Variants in CACNB4 observed in about 807,000 individuals in gnomAD.
CACNB4 encodes the protein calcium voltage-gated channel auxiliary subunit beta 4.
Under a neutral mutation model 71.2 loss-of-function variants are expected in CACNB4, and 32 were observed. The ratio of observed to expected loss-of-function variants is 0.45; its 90% confidence interval spans 0.34 to 0.60. CACNB4 has a LOEUF of 0.60. Among genes scored for constraint, CACNB4 ranks in the 20% least tolerant of loss-of-function variants. The pLI is 0.01. For synonymous variants in CACNB4, 231 were observed against 236.9 expected (o/e 0.97, Z 0.23); for missense variants, 464 against 647.9 (o/e 0.72, Z 3.08).
chr2:152,071,046 G>A (rs971790693), intron 2 of CACNB4, among the ~76,000 whole-genome samples: 1 of 152,228 alleles, frequency 6.6e-6, no homozygotes, highest in African/African-American at 2.4e-5. Flanking sequence ...GATTACAGGC[G>A]TGAGCCACTG....
chr2:152,000,515 G>A, intron 2 of CACNB4, among the ~76,000 whole-genome samples: 1 of 152,176 alleles, frequency 6.6e-6, no homozygotes, highest in Non-Finnish European at 1.5e-5. Flanking sequence ...GTTCTCTGTT[G>A]TCATTACAAC....
intron 2 of CACNB4, among the ~76,000 whole-genome samples, chr2:152,074,879 T>C (rs564258375): frequency 2.0e-5 from 3 of 152,120 alleles, no homozygotes; most frequent in Admixed American, 6.5e-5. Context: ...AGCACCATCA[T>C]AACCACTAAT....
At chr2:151,919,477 T>C (rs749601829) in intron 2 of CACNB4, among the ~76,000 whole-genome samples, 18 of 152,186 alleles carry the variant, frequency 1.2e-4, no homozygotes, top group Non-Finnish European at 2.1e-4. Flanking sequence ...TCACCAGCCA[T>C]GCTGTCACCT....
chr2:152,032,914 A>G (rs1684364215), intron 2 of CACNB4, among the ~76,000 whole-genome samples: 1 of 152,188 alleles, frequency 6.6e-6, no homozygotes, highest in Non-Finnish European at 1.5e-5. Context: ...TGATTATGCC[A>G]CTGCACTCCA....
chr2:151,885,267 C>A (rs768371586), intron 2 of CACNB4, among the ~76,000 whole-genome samples: 21 of 152,240 alleles, frequency 1.4e-4, no homozygotes, highest in Non-Finnish European at 2.9e-4. Flanking sequence ...GTGCCTACTT[C>A]ACAGGATTAA....
chr2:151,878,550 T>TACAC lies in CACNB4; in HGVS notation c.391-1998_391-1995dup, dbSNP rs60040188. 4.5e-3 allele frequency among the ~76,000 whole-genome samples: 581 copies of TACAC among 129,956 alleles called. 5 individuals are homozygous for TACAC. Among genetic ancestry groups the TACAC allele is most frequent in the Middle Eastern group, 0.027 (7 of 258 alleles). The allele number at this position is 129,956 out of a possible 152,430, so 85.3% of individuals were successfully genotyped here. On this transcript the variant is annotated intron_variant, in intron 4 of 13. Coordinates refer to ENST00000539935, the MANE Select transcript of CACNB4 (RefSeq NM_000726.5). ...CAGGGTAACATAGCAAGACCCTGTC[T>TACAC]ACACACACACACACACACACACACA...
Position 151,836,116 on chromosome 2 carries a change from T to C in CACNB4, c.*3003A>G, listed in dbSNP as rs1185227167. 7 of 151,866 alleles carry C rather than the reference T, an allele frequency of 4.6e-5. No homozygotes were observed. Among genetic ancestry groups the C allele is most frequent in the African/African-American group, 1.7e-4 (7 of 41,438 alleles). The allele number at this position is 151,866 out of a possible 1,614,324, so 9.4% of individuals were successfully genotyped here. ...ATAATATTAGAGTGACATTATACCC[T>C]TGAGAATTAACATCAGGATTGACAA... is the stretch of plus-strand genomic sequence containing the variant. On this transcript the variant is annotated 3_prime_UTR_variant, in exon 14 of 14. Coordinates refer to ENST00000539935, the MANE Select transcript of CACNB4 (RefSeq NM_000726.5).
intron 2 of CACNB4, among the ~76,000 whole-genome samples, chr2:151,957,257 C>CGTGTATGTGTGTAT (rs3068823): frequency 7.6e-6 from 1 of 131,788 alleles, no homozygotes; most frequent in Non-Finnish European, 1.6e-5. Context: ...AGTGGCTGGG[C>CGTGTATGTGTGTAT]GTGTGTGTGT....
intron 3 of CACNB4, 96 bp from the exon 4 acceptor site, chr2:151,881,018 C>T: frequency 8.0e-7 from 1 of 1,243,908 alleles, no homozygotes; most frequent in Admixed American, 2.6e-5. Context: ...TGAGAAATAA[C>T]TTTCCAAAGA....
chr2:151,982,590 A>G (rs915287126), intron 2 of CACNB4, among the ~76,000 whole-genome samples: 18 of 145,894 alleles, frequency 1.2e-4, no homozygotes, highest in Admixed American at 7.1e-4. Context: ...CTGAGATTGC[A>G]CCACTGCACT....
chr2:152,029,039 T>TA (rs1684121693), intron 2 of CACNB4, among the ~76,000 whole-genome samples: 1 of 152,186 alleles, frequency 6.6e-6, no homozygotes, highest in South Asian at 2.1e-4. Context: ...AAAGGCATGT[T>TA]ATGGACTGAA....
chr2:152,043,433 C>T (rs1158609826), intron 2 of CACNB4, among the ~76,000 whole-genome samples: 1 of 152,096 alleles, frequency 6.6e-6, no homozygotes, highest in East Asian at 1.9e-4. Flanking sequence ...GGGATCCTCC[C>T]ACCTTAGCCT....
At chr2:151,988,252 C>T (rs1177513269) in intron 2 of CACNB4, among the ~76,000 whole-genome samples, 1 of 152,072 alleles carries the variant, frequency 6.6e-6, no homozygotes, top group Non-Finnish European at 1.5e-5. Flanking sequence ...GACGTGACTT[C>T]CACTACTAAT....
intron 2 of CACNB4, among the ~76,000 whole-genome samples, chr2:152,026,968 GT>G (rs1283811068): frequency 1.3e-5 from 2 of 151,024 alleles, no homozygotes; most frequent in African/African-American, 4.9e-5. Context: ...GTGCAGTGGT[GT>G]AATCTCAGCT....
At chr2:152,003,046 ATC>A (rs1433305828) in intron 2 of CACNB4, among the ~76,000 whole-genome samples, 1 of 152,250 alleles carries the variant, frequency 6.6e-6, no homozygotes, top group Non-Finnish European at 1.5e-5. Context: ...ATGAATTTCC[ATC>A]TCCAGGGCCC....
chr2:151,875,319 T>C lies in CACNB4; in HGVS notation c.521+1107A>G, dbSNP rs527959406. Among the ~76,000 whole-genome samples, 136 of 148,144 alleles carry C rather than the reference T, an allele frequency of 9.2e-4. 1 individual carries two copies. The East Asian group carries it at 0.02, about 22-fold the overall frequency. The stretch of plus-strand genomic sequence containing the variant: ...GAGCACAGGGTTGGGGGTAAGGTCA[T>C]AGATCAACAGGATCCCAAGGCAGAA... On this transcript the variant is annotated intron_variant, in intron 5 of 13. Coordinates refer to ENST00000539935, the MANE Select transcript of CACNB4 (RefSeq NM_000726.5).
At chr2:151,932,593 G>T (rs746099468) in intron 2 of CACNB4, among the ~76,000 whole-genome samples, 1 of 152,020 alleles carries the variant, frequency 6.6e-6, no homozygotes, top group Non-Finnish European at 1.5e-5. Flanking sequence ...CAGTCATTGG[G>T]GTGGGCTCTA....
intron 2 of CACNB4, among the ~76,000 whole-genome samples, chr2:152,002,068 A>G (rs1173298040): frequency 2.6e-5 from 4 of 152,226 alleles, no homozygotes; most frequent in African/African-American, 4.8e-5. Flanking sequence ...GACTGCTCAC[A>G]ACCTTTCCGT....
intron 2 of CACNB4, among the ~76,000 whole-genome samples, chr2:152,058,087 G>C (rs1342798681): frequency 6.6e-6 from 1 of 152,116 alleles, no homozygotes; most frequent in African/African-American, 2.4e-5. Context: ...TCTCTCTCCT[G>C]CCACCATGTA....
Sources: allele counts gnomAD v4.1 joint callset (sites outside exome capture counted in the v4.1 genomes callset), GRCh38; gene constraint gnomAD v4.1.1; transcripts MANE v1.5; gene names NCBI Gene and HGNC (gene_info 2026-07-23, HGNC 2026-07-21).